GRIK2: variants seen among roughly 807,000 people sequenced by gnomAD.
The protein encoded by GRIK2 is glutamate receptor ionotropic, kainate 2.
GRIK2 carries 32 observed loss-of-function variants against 100.3 expected under a neutral mutation model. The observed-to-expected ratio is 0.32, with a 90% CI of 0.24 to 0.43. The LOEUF (loss-of-function observed/expected upper bound fraction) is 0.43. Among genes scored for constraint, GRIK2 ranks in the 20% least tolerant of loss-of-function variants. The probability of loss-of-function intolerance (pLI) is 1.00; values close to 1 mark genes in which losing one functional copy is unlikely to be tolerated. For synonymous variants in GRIK2, 417 were observed against 389.4 expected, an observed-to-expected ratio of 1.07 and a Z score of -0.83; for missense variants, 843 against 1,114.9, an observed-to-expected ratio of 0.76 and a Z score of 3.47.
chr6:101,983,301 T>C (rs1441251748), intron 14 of GRIK2, among the ~76,000 whole-genome samples: 1 of 151,734 alleles, frequency 6.6e-6, no homozygotes, highest in East Asian at 1.9e-4. Context: ...TTAGAGAAAA[T>C]GATGGTTGTT....
intron 7 of GRIK2, among the ~76,000 whole-genome samples, chr6:101,756,378 C>A (rs953656970): frequency 7.0e-6 from 1 of 142,944 alleles, no homozygotes; most frequent in Non-Finnish European, 1.5e-5. Flanking sequence ...TTCTTATCTA[C>A]ATTTATAATC....
chr6:101,675,218 T>C (rs1770734478), intron 4 of GRIK2, among the ~76,000 whole-genome samples: 1 of 151,966 alleles, frequency 6.6e-6, no homozygotes, highest in African/African-American at 2.4e-5. Flanking sequence ...TTACTCCTGT[T>C]TTCAAAAAGG....
intron 7 of GRIK2, among the ~76,000 whole-genome samples, chr6:101,750,502 C>T (rs1776719049): frequency 6.6e-6 from 1 of 152,138 alleles, no homozygotes. Context: ...AATCCTTTGT[C>T]CTCTCAGTGG....
At chr6:101,466,983 A>G (rs1017600602) in intron 2 of GRIK2, among the ~76,000 whole-genome samples, 1 of 152,200 alleles carries the variant, frequency 6.6e-6, no homozygotes, top group Non-Finnish European at 1.5e-5. Flanking sequence ...ATTTGATCTA[A>G]GCACCCGCTA....
chr6:101,409,375 C>G (rs1349725355), intron 2 of GRIK2, among the ~76,000 whole-genome samples: 1 of 151,932 alleles, frequency 6.6e-6, no homozygotes, highest in Admixed American at 6.6e-5. Flanking sequence ...GATGTTCACA[C>G]AATGATGAAA....
At chr6:102,027,305 A>C (rs2114391749) in intron 14 of GRIK2, among the ~76,000 whole-genome samples, 1 of 151,392 alleles carries the variant, frequency 6.6e-6, no homozygotes, top group Non-Finnish European at 1.5e-5. Context: ...TTACTGTATT[A>C]ATCTATACAC....
At chr6:101,509,157 CAAAAA>C (rs397885238) in intron 2 of GRIK2, among the ~76,000 whole-genome samples, 1 of 100,312 alleles carries the variant, frequency 1.0e-5, no homozygotes, top group African/African-American at 3.6e-5. Context: ...GACTCTGTCT[CAAAAA>C]AAAAAAAAAA....
intron 7 of GRIK2, among the ~76,000 whole-genome samples, chr6:101,787,158 T>C (rs994261131): frequency 1.3e-5 from 2 of 151,978 alleles, no homozygotes; most frequent in African/African-American, 2.4e-5. Flanking sequence ...GTGTTATCTA[T>C]TGTAATGTCC....
At chr6:101,824,299 C>G (rs1419394828) in intron 10 of GRIK2, among the ~76,000 whole-genome samples, 1 of 152,064 alleles carries the variant, frequency 6.6e-6, no homozygotes, top group East Asian at 1.9e-4. Flanking sequence ...TTGCCCTTTC[C>G]CCTAAGTTCC....
At chr6:101,446,590 C>G (rs576921896) in intron 2 of GRIK2, among the ~76,000 whole-genome samples, 9 of 151,852 alleles carry the variant, frequency 5.9e-5, no homozygotes. Flanking sequence ...TAGTCAAGCT[C>G]TTGCTAGTAA....
chr6:101,940,575 C>G (rs998102557), intron 14 of GRIK2, among the ~76,000 whole-genome samples: 3 of 152,052 alleles, frequency 2.0e-5, no homozygotes, highest in Admixed American at 1.3e-4. Context: ...AATCTCAGGC[C>G]TAATGTGTTG....
chr6:101,626,136 C>T (rs577152298), intron 3 of GRIK2, among the ~76,000 whole-genome samples: 1 of 152,276 alleles, frequency 6.6e-6, no homozygotes, highest in East Asian at 1.9e-4. Context: ...CTGTCTCCCT[C>T]CCCTGACATT....
At chr6:101,948,324 T>G (rs2128478034) in intron 14 of GRIK2, among the ~76,000 whole-genome samples, 1 of 151,316 alleles carries the variant, frequency 6.6e-6, no homozygotes, top group Non-Finnish European at 1.5e-5. Flanking sequence ...CTTTTTTTTT[T>G]TAAAGTCTCT....
At chr6:101,552,240 T>C (rs1159192928) in intron 2 of GRIK2, among the ~76,000 whole-genome samples, 1 of 152,196 alleles carries the variant, frequency 6.6e-6, no homozygotes, top group African/African-American at 2.4e-5. Flanking sequence ...AGTTTTCAAA[T>C]GATTTGTCAG....
At chr6:101,407,599 T>C (rs1418697055) in intron 2 of GRIK2, among the ~76,000 whole-genome samples, 1 of 152,000 alleles carries the variant, frequency 6.6e-6, no homozygotes, top group African/African-American at 2.4e-5. Context: ...TCTTTTCTCT[T>C]TTTTTTTCCT....
chr6:101,491,274 G>GAAAA (rs11392415), intron 2 of GRIK2, among the ~76,000 whole-genome samples: 1 of 140,008 alleles, frequency 7.1e-6, no homozygotes, highest in Non-Finnish European at 1.6e-5. Context: ...GAGAAAAAAA[G>GAAAA]AAAAAAAAAA....
At chr6:101,928,671 T>C (rs777932773) in intron 14 of GRIK2, 39 bp downstream of exon 14, 3 of 1,001,398 alleles carry the variant, frequency 3.0e-6, no homozygotes, top group Admixed American at 3.4e-5. Context: ...CAAATTAAAA[T>C]GATAGAGCGC....
At chr6:101,586,838 C>G (rs1329356305) in intron 2 of GRIK2, among the ~76,000 whole-genome samples, 2 of 144,632 alleles carry the variant, frequency 1.4e-5, no homozygotes, top group African/African-American at 5.2e-5. Flanking sequence ...TGCAGTGAGC[C>G]GAGATCCTGC....
intron 2 of GRIK2, among the ~76,000 whole-genome samples, chr6:101,512,671 C>CT (rs112695973): frequency 0.067 from 10,176 of 152,004 alleles, 510 homozygotes; most frequent in East Asian, 0.13. Flanking sequence ...ATAGTATTAA[C>CT]TTTTTTTCAA....
Sources: allele counts gnomAD v4.1 joint callset (sites outside exome capture counted in the v4.1 genomes callset), GRCh38; gene constraint gnomAD v4.1.1; transcripts MANE v1.5; gene names NCBI Gene and HGNC (gene_info 2026-07-23, HGNC 2026-07-21).